DENND4C: variants seen among roughly 807,000 people sequenced by gnomAD.
The protein encoded by DENND4C is DENN domain-containing protein 4C.
A neutral mutation model predicts 203.0 loss-of-function variants in DENND4C; 108 were observed. That is an observed-to-expected ratio of 0.53 (90% CI 0.46 to 0.62). The LOEUF is 0.62. Ranked by LOEUF, DENND4C falls within the 20% of genes least tolerant of loss-of-function variation. The probability of loss-of-function intolerance (pLI) is 0.00; values close to 1 mark genes in which losing one functional copy is unlikely to be tolerated. For synonymous variants in DENND4C, 871 were observed against 792.4 expected (o/e 1.10, Z -1.67); for missense variants, 2,481 against 2,301.2 (o/e 1.08, Z -1.60).
chr9:19,347,701 T>C (rs879860602), intron 23 of DENND4C, among the ~76,000 whole-genome samples: 1 of 152,242 alleles, frequency 6.6e-6, no homozygotes, highest in Non-Finnish European at 1.5e-5. Flanking sequence ...TATAATTCCA[T>C]ACACTAGTCT....
intron 20 of DENND4C, among the ~76,000 whole-genome samples, chr9:19,339,855 CTA>C (rs776357643): frequency 6.6e-6 from 1 of 152,126 alleles, no homozygotes; most frequent in Non-Finnish European, 1.5e-5. Context: ...TCTCCATTCT[CTA>C]TTTTTTTCTT....
rs183305976 is a variant in DENND4C at position 19,316,672 on chromosome 9, C to T, written c.1640C>T (p.Ala547Val). ...GCGATTGACATGACTCCAATTGAAG[C>T]AGATTTCTCCTGGCAAAAGAAGATG... Reference protein sequence around the residue: ...GSAIDMTPIEADFSWQKKMTQ... With the variant: ...GSAIDMTPIEVDFSWQKKMTQ... The change falls in exon 12 of 33, where the codon GCA becomes GTA. Residue 547 changes from alanine (A) to valine (V), a missense_variant. Coordinates refer to ENST00000434457, the MANE Select transcript of DENND4C (RefSeq NM_001330640.2). The T allele has an allele frequency of 6.2e-7, 1 of 1,614,006 alleles. No homozygotes were observed. Among genetic ancestry groups the T allele is most frequent in the East Asian group, 2.2e-5 (1 of 44,868 alleles).
chr9:19,329,655 A>C (rs1259703771), intron 16 of DENND4C, among the ~76,000 whole-genome samples: 4 of 152,226 alleles, frequency 2.6e-5, no homozygotes, highest in African/African-American at 4.8e-5. Flanking sequence ...TCCACTTTAC[A>C]TTCCCACCAG....
At position 19,325,859 on chromosome 9, in the gene DENND4C, T is replaced by G. The variant is rs73645598; in HGVS notation, c.1954-80T>G. 2.3e-3 allele frequency: 3,230 copies of G among 1,418,118 alleles called. 58 individuals are homozygous for G. The African/African-American group carries it at 0.038, about 17-fold the overall frequency. The allele number at this position is 1,418,118 out of a possible 1,614,324, so 87.8% of individuals were successfully genotyped here. ...GTACTGAAAAGGGGTAGTTTTTTTC[T>G]AAATCAGAATGTAAGATAAAAATGT... On this transcript the variant is annotated intron_variant, in intron 13 of 32. Transcript: ENST00000434457.
chr9:19,345,729 A>G (rs1206088161), intron 22 of DENND4C, among the ~76,000 whole-genome samples, 192 bp from the exon 23 acceptor site: 1 of 152,202 alleles, frequency 6.6e-6, no homozygotes, highest in African/African-American at 2.4e-5. Flanking sequence ...ATACATTAAA[A>G]TGTCCCTGGG....
intron 4 of DENND4C, 100 bp from the exon 5 acceptor site, chr9:19,290,604 C>A: frequency 2.6e-6 from 2 of 779,856 alleles, no homozygotes; most frequent in Non-Finnish European, 3.6e-6. Flanking sequence ...CAAGTATTGC[C>A]ATGAAATTCG....
At chr9:19,300,843 T>C (rs1838411737) in intron 9 of DENND4C, among the ~76,000 whole-genome samples, 1 of 152,208 alleles carries the variant, frequency 6.6e-6, no homozygotes, top group African/African-American at 2.4e-5. Context: ...GAAATTAAAG[T>C]TGTTCCCTGC....
intron 9 of DENND4C, among the ~76,000 whole-genome samples, chr9:19,304,350 A>C (rs1293042118): frequency 6.6e-6 from 1 of 150,814 alleles, no homozygotes; most frequent in African/African-American, 2.4e-5. Context: ...ACACTCAGCT[A>C]ATTTTTGTGT....
intron 23 of DENND4C, among the ~76,000 whole-genome samples, chr9:19,349,535 G>T (rs1365347458): frequency 6.6e-6 from 1 of 152,082 alleles, no homozygotes; most frequent in African/African-American, 2.4e-5. Flanking sequence ...TTACATCCCT[G>T]GCACCAGTAA....
At chr9:19,253,781 T>A (rs1827243039) in intron 1 of DENND4C, among the ~76,000 whole-genome samples, 1 of 152,184 alleles carries the variant, frequency 6.6e-6, no homozygotes, top group Non-Finnish European at 1.5e-5. Context: ...GTGCATTTAG[T>A]CTTGTAATTG....
chr9:19,311,822 T>C (rs1192425998), intron 10 of DENND4C, among the ~76,000 whole-genome samples: 1 of 152,216 alleles, frequency 6.6e-6, no homozygotes, highest in East Asian at 1.9e-4. Context: ...CTTTATGCAT[T>C]CACTGCAGTT....
At chr9:19,307,828 C>T (rs1405206145) in intron 10 of DENND4C, among the ~76,000 whole-genome samples, 7 of 151,646 alleles carry the variant, frequency 4.6e-5, no homozygotes, top group African/African-American at 1.7e-4. Context: ...GATAGTCCTC[C>T]ACAACCATAT....
At chr9:19,288,493 T>C in intron 3 of DENND4C, 103 bp from the exon 4 acceptor site, 4 of 638,646 alleles carry the variant, frequency 6.3e-6, no homozygotes, top group Non-Finnish European at 8.9e-6. Flanking sequence ...ACGTTTTAAA[T>C]AGACTCTTCT....
chr9:19,244,906 G>A (rs1824767411), intron 1 of DENND4C, among the ~76,000 whole-genome samples: 1 of 152,134 alleles, frequency 6.6e-6, no homozygotes, highest in Non-Finnish European at 1.5e-5. Flanking sequence ...TTATGAATAT[G>A]AAATGAATTA....
At chr9:19,272,368 C>T (rs1450263365) in intron 1 of DENND4C, among the ~76,000 whole-genome samples, 1 of 150,742 alleles carries the variant, frequency 6.6e-6, no homozygotes, top group Admixed American at 6.6e-5. Context: ...TGCAGTGAGC[C>T]GAGATTGCGC....
At chr9:19,236,274 A>T (rs1240149775) in intron 1 of DENND4C, among the ~76,000 whole-genome samples, 1 of 152,246 alleles carries the variant, frequency 6.6e-6, no homozygotes, top group Non-Finnish European at 1.5e-5. Context: ...CAACACAACA[A>T]ATATAGAATG....
chr9:19,325,293 C>A (rs1305287324), intron 13 of DENND4C, among the ~76,000 whole-genome samples: 2 of 151,926 alleles, frequency 1.3e-5, no homozygotes, highest in South Asian at 4.1e-4. Flanking sequence ...CTTTACCCAC[C>A]CATCCTAAGG....
intron 10 of DENND4C, among the ~76,000 whole-genome samples, chr9:19,306,605 AT>A (rs1411326270): frequency 1.3e-5 from 2 of 151,956 alleles, no homozygotes; most frequent in African/African-American, 4.8e-5. Flanking sequence ...TAATACTCAG[AT>A]TTTTTACCTT....
chr9:19,283,747 C>G (rs953921768), intron 2 of DENND4C, among the ~76,000 whole-genome samples: 9 of 151,518 alleles, frequency 5.9e-5, no homozygotes, highest in Non-Finnish European at 1.3e-4. Flanking sequence ...AGGCACCTGC[C>G]ACCATGCCAG....
Sources: allele counts gnomAD v4.1 joint callset (sites outside exome capture counted in the v4.1 genomes callset), GRCh38; gene constraint gnomAD v4.1.1; transcripts MANE v1.5; gene names NCBI Gene and HGNC (gene_info 2026-07-23, HGNC 2026-07-21).